Variants in SPRR2B observed in about 807,000 individuals in gnomAD.
SPRR2B encodes small proline-rich protein 2B.
A neutral mutation model predicts 1.0 loss-of-function variants in SPRR2B; 1 was observed. That is an observed-to-expected ratio of 1.01 (90% confidence interval 0.36 to 4.77). The LOEUF is 4.77. Ranked by LOEUF, SPRR2B falls within the 30% of genes most tolerant of loss-of-function variation. The pLI, the probability that SPRR2B is intolerant of heterozygous loss-of-function variation, is 0.16. For synonymous variants in SPRR2B, 27 were observed against 33.4 expected (o/e 0.81, Z 0.66); for missense variants, 53 against 88.7 (o/e 0.60, Z 1.62).
At chr1:153,080,121 TAG>T in the SPRR2B span, among the ~76,000 whole-genome samples, 1 of 55,792 alleles carries the variant, frequency 1.8e-5, no homozygotes, top group Non-Finnish European at 4.9e-5. Flanking sequence ...CAAGAAAACC[TAG>T]AAAATATAGA....
chr1:153,076,954 G>T, the SPRR2B span, among the ~76,000 whole-genome samples: 2 of 152,186 alleles, frequency 1.3e-5, no homozygotes, highest in Admixed American at 6.5e-5. Context: ...CAGTCTTAAA[G>T]GCTGTAGGCC....
upstream of SPRR2B, among the ~76,000 whole-genome samples, chr1:153,074,067 C>G (rs1217806313): frequency 6.6e-6 from 1 of 152,202 alleles, no homozygotes; most frequent in African/African-American, 2.4e-5. Flanking sequence ...CAAGGCTCCT[C>G]TGCTCCCCAC....
chr1:153,082,243 AAC>A, the SPRR2B span, among the ~76,000 whole-genome samples: 3 of 151,016 alleles, frequency 2.0e-5, no homozygotes, highest in East Asian at 3.8e-4. Flanking sequence ...TTGAAACACA[AAC>A]AGTGTACAGA....
chr1:153,072,763 C>T (rs925486028), upstream of SPRR2B, among the ~76,000 whole-genome samples: 1 of 152,160 alleles, frequency 6.6e-6, no homozygotes, highest in Non-Finnish European at 1.5e-5. Flanking sequence ...CAATGTATAC[C>T]TCTCATCTGT....
upstream of SPRR2B, among the ~76,000 whole-genome samples, chr1:153,074,942 T>C (rs774965998): frequency 2.6e-4 from 39 of 152,294 alleles, no homozygotes; most frequent in Admixed American, 1.2e-3. Flanking sequence ...TTTGATCACA[T>C]CCCTTCTAAA....
the SPRR2B span, among the ~76,000 whole-genome samples, chr1:153,081,600 T>C: frequency 6.6e-6 from 1 of 152,144 alleles, no homozygotes; most frequent in Non-Finnish European, 1.5e-5. Context: ...TATGTGAAGA[T>C]ACAAAAATCT....
chr1:153,072,208 A>G (rs1382250528), upstream of SPRR2B, among the ~76,000 whole-genome samples: 1 of 152,186 alleles, frequency 6.6e-6, no homozygotes, highest in East Asian at 1.9e-4. Context: ...ACAGAACCCC[A>G]GATTTTACCT....
chr1:153,077,442 G>A, the SPRR2B span, among the ~76,000 whole-genome samples: 6 of 152,012 alleles, frequency 3.9e-5, no homozygotes, highest in Non-Finnish European at 5.9e-5. Context: ...CATAAAAGCT[G>A]GCATTGTTGA....
upstream of SPRR2B, among the ~76,000 whole-genome samples, chr1:153,072,799 G>A (rs918108951): frequency 1.3e-5 from 2 of 152,086 alleles, no homozygotes; most frequent in African/African-American, 4.8e-5. Flanking sequence ...TTGTTCACTC[G>A]ATACGTATGT....
chr1:153,083,755 A>G, the SPRR2B span, among the ~76,000 whole-genome samples: 2 of 152,178 alleles, frequency 1.3e-5, no homozygotes, highest in South Asian at 4.1e-4. Context: ...AGACCCCCTC[A>G]ACCACCAGGG....
upstream of SPRR2B, among the ~76,000 whole-genome samples, chr1:153,076,171 T>C (rs756301366): frequency 7.9e-5 from 12 of 152,182 alleles, no homozygotes; most frequent in Non-Finnish European, 8.8e-5. Context: ...AAATATCACA[T>C]TCCTTCTGCA....
chr1:153,086,222 C>T, the SPRR2B span, among the ~76,000 whole-genome samples: 95 of 152,200 alleles, frequency 6.2e-4, 2 homozygotes, highest in East Asian at 9.9e-3. Context: ...CCAATTAAAA[C>T]GCAGAGTGGC....
At chr1:153,078,385 T>C in the SPRR2B span, among the ~76,000 whole-genome samples, 3 of 152,250 alleles carry the variant, frequency 2.0e-5, no homozygotes, top group Non-Finnish European at 1.5e-5. Flanking sequence ...TATTATACTT[T>C]AAGTTTTAGG....
rs750446544 is a variant in SPRR2B at position 153,070,614 on chromosome 1, G to A, written c.*7C>T. 4 of 1,611,442 alleles carry A rather than the reference G, an allele frequency of 2.5e-6. No individual in the cohort carries two copies. Among genetic ancestry groups the A allele is most frequent in the East Asian group, 4.5e-5 (2 of 44,884 alleles). On this transcript the variant is annotated 3_prime_UTR_variant, in exon 2 of 2. Coordinates refer to ENST00000368755, the MANE Select transcript of SPRR2B (RefSeq NM_001388198.1). ...TCCTCTCATGCTCCTGATGAATCCTGAAGCTGTTACTTGCTCTTCGGTGGA... is the reference window on the plus strand; with the variant it reads ...TCCTCTCATGCTCCTGATGAATCCTAAAGCTGTTACTTGCTCTTCGGTGGA...
chr1:153,085,958 G>T, the SPRR2B span, among the ~76,000 whole-genome samples: 1 of 152,072 alleles, frequency 6.6e-6, no homozygotes, highest in South Asian at 2.1e-4. Flanking sequence ...AGAGAAAAAA[G>T]ATCCTTTTCG....
upstream of SPRR2B, among the ~76,000 whole-genome samples, chr1:153,072,570 G>A (rs1654690863): frequency 6.6e-6 from 1 of 152,188 alleles, no homozygotes; most frequent in Non-Finnish European, 1.5e-5. Context: ...AGGACTTAAA[G>A]TCTGAAATCT....
At chr1:153,081,820 CTTTTCT>C in the SPRR2B span, among the ~76,000 whole-genome samples, 3 of 137,062 alleles carry the variant, frequency 2.2e-5, no homozygotes, top group African/African-American at 8.5e-5. Flanking sequence ...CTTTTCTTTT[CTTTTCT>C]TTTTTTTTTT....
chr1:153,082,319 A>G, the SPRR2B span, among the ~76,000 whole-genome samples: 1 of 152,180 alleles, frequency 6.6e-6, no homozygotes, highest in African/African-American at 2.4e-5. Flanking sequence ...AATGAATTAA[A>G]TTCTCCCCAA....
the SPRR2B span, among the ~76,000 whole-genome samples, chr1:153,078,306 G>A: frequency 2.0e-5 from 3 of 152,150 alleles, no homozygotes; most frequent in African/African-American, 4.8e-5. Context: ...TTTAAGTTGA[G>A]AACTGTTATA....
Sources: allele counts gnomAD v4.1 joint callset (sites outside exome capture counted in the v4.1 genomes callset), GRCh38; gene constraint gnomAD v4.1.1; transcripts MANE v1.5; gene names NCBI Gene and HGNC (gene_info 2026-07-23, HGNC 2026-07-21).